Variants in PGAP4 observed in about 807,000 individuals in gnomAD.
PGAP4 encodes GPI-N-acetylgalactosamine transferase PGAP4.
PGAP4 carries 12 observed loss-of-function variants against 28.2 expected under a neutral mutation model. That is an observed-to-expected ratio of 0.42 (90% CI 0.27 to 0.69). The LOEUF (loss-of-function observed/expected upper bound fraction) is 0.69. Ranked by LOEUF, PGAP4 falls within the 30% of genes least tolerant of loss-of-function variation. The probability of loss-of-function intolerance (pLI) is 0.22; values close to 1 mark genes in which losing one functional copy is unlikely to be tolerated. For synonymous variants in PGAP4, 205 were observed against 211.8 expected (o/e 0.97, Z 0.28); for missense variants, 425 against 513.5 (o/e 0.83, Z 1.67).
intron 2 of PGAP4, among the ~76,000 whole-genome samples, chr9:101,521,477 AG>A (rs1664723549): frequency 1.3e-5 from 2 of 152,138 alleles, no homozygotes; most frequent in African/African-American, 2.4e-5. Context: ...CATCTTTTCT[AG>A]GTTTTCCAGT....
At chr9:101,531,372 A>G (rs1169498568) in exon 2 of PGAP4, 1 of 152,224 alleles carries the variant, frequency 6.6e-6, no homozygotes, top group African/African-American at 2.4e-5. Context: ...AAGGTACTAG[A>G]AAAGTCTGCT....
At chr9:101,523,902 T>C (rs1827010330) in intron 2 of PGAP4, among the ~76,000 whole-genome samples, 1 of 151,932 alleles carries the variant, frequency 6.6e-6, no homozygotes. Context: ...AGGCTATTGT[T>C]CAGATTCTTT....
chr9:101,500,368 A>T (rs1253679238), intron 2 of PGAP4, among the ~76,000 whole-genome samples: 1 of 151,930 alleles, frequency 6.6e-6, no homozygotes, highest in African/African-American at 2.4e-5. Flanking sequence ...TCTTCCTCGC[A>T]TTACTGTAAC....
rs1398405579 is a variant in PGAP4, at chr9:101,486,439, T to A, written c.-78+510A>T. On this transcript the variant is annotated intron_variant, in intron 1 of 1. Coordinates refer to ENST00000374848, the MANE Select transcript of PGAP4 (RefSeq NM_032342.3). This position sits in a 1 kb window ranked among gnomAD's most constrained non-coding sequence, Gnocchi z 4.7. Reference sequence around the variant, plus strand: ...GTCGCCCGCAGAAACCCAACACTGCTGCCGCGCTCTCGGCGCGCCCGGCGA... The same window carrying A: ...GTCGCCCGCAGAAACCCAACACTGCAGCCGCGCTCTCGGCGCGCCCGGCGA... Among the ~76,000 whole-genome samples, 1 of 152,154 alleles carries A rather than the reference T, an allele frequency of 6.6e-6. No homozygotes were observed. The highest frequency in any genetic ancestry group is 1.5e-5 in the Non-Finnish European group (1 of 68,002).
At chr9:101,502,333 A>T (rs1467027653) in intron 2 of PGAP4, among the ~76,000 whole-genome samples, 1 of 152,024 alleles carries the variant, frequency 6.6e-6, no homozygotes, top group Non-Finnish European at 1.5e-5. Context: ...TTGGGTTTGG[A>T]TGTGGTATCC....
chr9:101,482,958 G>C (rs940194421), intron 1 of PGAP4, among the ~76,000 whole-genome samples: 1 of 152,170 alleles, frequency 6.6e-6, no homozygotes, highest in Non-Finnish European at 1.5e-5. Context: ...AATAGCAATG[G>C]AATTAATCCC....
intron 2 of PGAP4, among the ~76,000 whole-genome samples, chr9:101,498,636 A>G (rs895502617): frequency 2.6e-5 from 4 of 151,964 alleles, no homozygotes; most frequent in Non-Finnish European, 5.9e-5. Context: ...AAAATACTAC[A>G]TGTTAACTGT....
At chr9:101,512,129 A>G (rs1468352145) in intron 2 of PGAP4, among the ~76,000 whole-genome samples, 1 of 152,132 alleles carries the variant, frequency 6.6e-6, no homozygotes, top group African/African-American at 2.4e-5. Context: ...TTTGTTAAAT[A>G]AAATATACAG....
intron 2 of PGAP4, among the ~76,000 whole-genome samples, chr9:101,502,169 G>A (rs1467213808): frequency 6.6e-6 from 1 of 151,980 alleles, no homozygotes; most frequent in African/African-American, 2.4e-5. Context: ...GTTTGTTTTG[G>A]AGGCATCTTC....
chr9:101,509,529 C>G (rs1750166062), intron 2 of PGAP4, among the ~76,000 whole-genome samples: 2 of 152,100 alleles, frequency 1.3e-5, no homozygotes, highest in South Asian at 4.1e-4. Context: ...AAACTCTGGC[C>G]AGCAATCTAC....
chr9:101,520,054 T>C (rs940567392), intron 2 of PGAP4, among the ~76,000 whole-genome samples: 1 of 152,208 alleles, frequency 6.6e-6, no homozygotes, highest in Non-Finnish European at 1.5e-5. Context: ...CTGGATTCTT[T>C]ATTCTGTTCC....
intron 2 of PGAP4, among the ~76,000 whole-genome samples, chr9:101,498,166 A>G (rs968374667): frequency 2.0e-5 from 3 of 151,752 alleles, no homozygotes; most frequent in African/African-American, 7.3e-5. Context: ...TAAACTTTTA[A>G]TGTTTGCATT....
chr9:101,519,261 G>A (rs1221941912), intron 2 of PGAP4, among the ~76,000 whole-genome samples: 2 of 152,218 alleles, frequency 1.3e-5, no homozygotes, highest in African/African-American at 4.8e-5. Context: ...GGGTTCAAGC[G>A]ATTCTCCTGC....
Position 101,477,120 on chromosome 9 carries a change from C to T in PGAP4, c.-28G>A, listed in dbSNP as rs1248748607. On this transcript the variant is annotated 5_prime_UTR_variant, in exon 2 of 2. An upstream open reading frame in the 5' UTR gains an earlier in-frame stop. Coordinates refer to ENST00000374848, the MANE Select transcript of PGAP4 (RefSeq NM_032342.3). ...GGTCAACTTTTGTTCATGTCTGGTC[C>T]CAAGAAAAAACCATCCTGGAACTCA... The T allele has an allele frequency of 4.6e-6, 7 of 1,523,148 alleles. No homozygotes were observed. The African/African-American group carries it at 8.4e-5, about 18-fold the overall frequency. 94.4% of individuals were successfully genotyped at this position (1,523,148 alleles called of 1,614,324 possible).
chr9:101,519,874 A>G (rs1048114368), intron 2 of PGAP4, among the ~76,000 whole-genome samples: 3 of 152,100 alleles, frequency 2.0e-5, no homozygotes, highest in Non-Finnish European at 4.4e-5. Flanking sequence ...TAAGAGCTTA[A>G]TCCATCTTGG....
rs575803870 is a variant in PGAP4 at position 101,477,056 on chromosome 9, G to C, written c.37C>G (p.Arg13Gly). 76 of 1,605,040 alleles carry C rather than the reference G, an allele frequency of 4.7e-5. No individual in the cohort carries two copies. In the South Asian group the frequency reaches 8.0e-4, roughly 17 times the overall value. The stretch of plus-strand genomic sequence containing the variant: ...CCCCAGGAGAGTCGCCGCAGCCTCC[G>C]GAGGAGCATGGCAGCTGGAGAGGTT... ...TSTSPAAMLL[R>G]RLRRLSWGST... is the part of the protein sequence containing the mutation. Residue 13 changes from arginine (R) to glycine (G), a missense_variant, in exon 2 of 2, where the codon CGG (arginine) becomes GGG (glycine). Transcript: ENST00000374848.
upstream of PGAP4, among the ~76,000 whole-genome samples, chr9:101,490,371 G>A (rs1309107096): frequency 6.6e-6 from 1 of 151,814 alleles, no homozygotes; most frequent in Admixed American, 6.6e-5. Flanking sequence ...TGTATTTTTA[G>A]TAGAGCTGGG....
rs1826301447 is a variant in PGAP4 at position 101,476,200 on chromosome 9, GAGA to G, written c.890_892del (p.Phe297del). The G allele has an allele frequency of 6.2e-7, 1 of 1,614,154 alleles. No individual in the cohort carries two copies. Among genetic ancestry groups the G allele is most frequent in the Middle Eastern group, 1.6e-4 (1 of 6,062 alleles). ...CTCCACCAGACCCATGCTATACAGGGAGAAGAAGAGCATTACAGGCCAGCTAAA... is the reference window on the plus strand; with the variant it reads ...CTCCACCAGACCCATGCTATACAGGGAGAAGAGCATTACAGGCCAGCTAAA... On this transcript the variant is annotated inframe_deletion, in exon 2 of 2. Coordinates refer to ENST00000374848, the MANE Select transcript of PGAP4 (RefSeq NM_032342.3). The surrounding 1 kb of genome is among the most constrained non-coding windows in gnomAD (Gnocchi z 7.0).
At chr9:101,488,687 A>G (rs1826656579), upstream of PGAP4, among the ~76,000 whole-genome samples, 1 of 152,224 alleles carries the variant, frequency 6.6e-6, no homozygotes, top group African/African-American at 2.4e-5. Flanking sequence ...TCTCATGGTC[A>G]CTAGTCACAT....
Sources: allele counts gnomAD v4.1 joint callset (sites outside exome capture counted in the v4.1 genomes callset), GRCh38; gene constraint gnomAD v4.1.1; non-coding constraint Gnocchi (gnomAD v3.1); transcripts MANE v1.5; gene names NCBI Gene and HGNC (gene_info 2026-07-23, HGNC 2026-07-21).